Variants in GALNTL6 observed in about 807,000 individuals in gnomAD.
The protein encoded by GALNTL6 is polypeptide N-acetylgalactosaminyltransferase-like 6.
A neutral mutation model predicts 73.7 loss-of-function variants in GALNTL6; 46 were observed. The ratio of observed to expected loss-of-function variants is 0.62; its 90% CI spans 0.49 to 0.80. The LOEUF is 0.80. GALNTL6 is among the 30% of genes least tolerant of loss of function. The pLI is 0.00. For missense variants in GALNTL6, 604 were observed against 755.0 expected, an observed-to-expected ratio of 0.80 and a Z score of 2.34; for synonymous variants, 259 against 263.7, an observed-to-expected ratio of 0.98 and a Z score of 0.17.
chr4:172,673,707 A>G (rs1301681814), intron 5 of GALNTL6, among the ~76,000 whole-genome samples: 2 of 151,784 alleles, frequency 1.3e-5, no homozygotes, highest in East Asian at 3.9e-4. Flanking sequence ...GTTGAATTGA[A>G]CCCTTTATTG....
intron 3 of GALNTL6, among the ~76,000 whole-genome samples, chr4:172,287,844 G>A (rs929795158): frequency 7.2e-5 from 11 of 152,184 alleles, no homozygotes; most frequent in African/African-American, 1.9e-4. Flanking sequence ...GTGGGAATGA[G>A]CGCTGAGCTT....
chr4:172,553,795 G>A (rs1490957999), intron 5 of GALNTL6, among the ~76,000 whole-genome samples: 2 of 152,014 alleles, frequency 1.3e-5, no homozygotes, highest in African/African-American at 4.8e-5. Context: ...AGGGATTCAT[G>A]CCTGTAATCT....
chr4:172,335,043 C>T (rs1269358494), intron 4 of GALNTL6, among the ~76,000 whole-genome samples: 5 of 150,954 alleles, frequency 3.3e-5, no homozygotes, highest in Admixed American at 1.3e-4. Context: ...TGCAGTGGCA[C>T]GATCTCTGCC....
intron 5 of GALNTL6, among the ~76,000 whole-genome samples, chr4:172,407,433 C>A (rs1744276916): frequency 6.6e-6 from 1 of 152,076 alleles, no homozygotes; most frequent in Non-Finnish European, 1.5e-5. Flanking sequence ...TCTGTGGCAA[C>A]AATGCCACAA....
intron 5 of GALNTL6, among the ~76,000 whole-genome samples, chr4:172,803,157 A>G (rs1740752466): frequency 6.6e-6 from 1 of 152,132 alleles, no homozygotes. Flanking sequence ...TGATCCTTGG[A>G]CTGTTCTGAG....
chr4:172,957,900 G>A (rs1248987815), intron 10 of GALNTL6, among the ~76,000 whole-genome samples: 1 of 152,146 alleles, frequency 6.6e-6, no homozygotes, highest in Non-Finnish European at 1.5e-5. Flanking sequence ...AGGCCTGGTG[G>A]AACTGCCATC....
intron 5 of GALNTL6, among the ~76,000 whole-genome samples, chr4:172,458,767 C>T (rs1732502577): frequency 6.6e-6 from 1 of 152,150 alleles, no homozygotes; most frequent in Admixed American, 6.5e-5. Flanking sequence ...AGATTCACAG[C>T]TGAATTCTAC....
At chr4:172,782,779 G>A (rs957323911) in intron 5 of GALNTL6, among the ~76,000 whole-genome samples, 1 of 152,054 alleles carries the variant, frequency 6.6e-6, no homozygotes, top group African/African-American at 2.4e-5. Flanking sequence ...GTACAGCACA[G>A]AAGGAAGAAA....
intron 5 of GALNTL6, among the ~76,000 whole-genome samples, chr4:172,522,858 G>A (rs1734831022): frequency 6.6e-6 from 1 of 151,998 alleles, no homozygotes; most frequent in Admixed American, 6.6e-5. Flanking sequence ...TTTGTTCTGT[G>A]TGCAACTGAG....
intron 2 of GALNTL6, among the ~76,000 whole-genome samples, chr4:172,033,474 T>A (rs543397164): frequency 2.0e-5 from 3 of 152,078 alleles, no homozygotes; most frequent in Non-Finnish European, 2.9e-5. Context: ...GGTTTCAAAT[T>A]AGATGAAATC....
At chr4:172,425,518 A>C (rs2111370526) in intron 5 of GALNTL6, among the ~76,000 whole-genome samples, 1 of 152,194 alleles carries the variant, frequency 6.6e-6, no homozygotes, top group East Asian at 1.9e-4. Context: ...GGGAACAAAG[A>C]AAAAAATTGG....
intron 3 of GALNTL6, among the ~76,000 whole-genome samples, chr4:172,272,283 A>C (rs1197281336): frequency 6.6e-6 from 1 of 152,148 alleles, no homozygotes; most frequent in Non-Finnish European, 1.5e-5. Flanking sequence ...AATGAGGATA[A>C]TATATATTAG....
At position 172,624,479 on chromosome 4, in the gene GALNTL6, A is replaced by G. The variant is rs148560666; in HGVS notation, c.554-184882A>G. Among the ~76,000 whole-genome samples, 10 of 152,128 alleles carry G rather than the reference A, an allele frequency of 6.6e-5. No homozygotes were observed. The East Asian group carries it at 1.7e-3, about 26-fold the overall frequency. ...AGCAACCAGCGTACAGGTAGTCTGA[A>G]GAGACTCATTACTTCTGCAAACCCC... On this transcript the variant is annotated intron_variant, in intron 5 of 12. Coordinates refer to ENST00000506823, the MANE Select transcript of GALNTL6 (RefSeq NM_001034845.3).
At chr4:172,584,236 G>C (rs1737317927) in intron 5 of GALNTL6, among the ~76,000 whole-genome samples, 2 of 152,134 alleles carry the variant, frequency 1.3e-5, no homozygotes. Flanking sequence ...CCCAAAGGAA[G>C]CAGAATGATG....
chr4:172,408,969 A>G (rs1013442513), intron 5 of GALNTL6, among the ~76,000 whole-genome samples: 3 of 152,032 alleles, frequency 2.0e-5, no homozygotes, highest in Non-Finnish European at 4.4e-5. Flanking sequence ...CACTTACTAT[A>G]CACTGTACTC....
chr4:172,971,066 C>G (rs1390063377), intron 10 of GALNTL6, among the ~76,000 whole-genome samples: 2 of 152,122 alleles, frequency 1.3e-5, no homozygotes, highest in East Asian at 3.8e-4. Context: ...TTCAGGGTCC[C>G]TGACTTCCTG....
At chr4:172,911,817 T>C (rs1747220112) in intron 8 of GALNTL6, among the ~76,000 whole-genome samples, 1 of 152,248 alleles carries the variant, frequency 6.6e-6, no homozygotes, top group African/African-American at 2.4e-5. Context: ...AGTTGTTCCT[T>C]CCTTTATGTC....
chr4:172,445,920 C>A (rs946378096), intron 5 of GALNTL6, among the ~76,000 whole-genome samples: 2 of 152,002 alleles, frequency 1.3e-5, no homozygotes, highest in African/African-American at 4.8e-5. Context: ...TTCATTAAAC[C>A]AGCAGACACT....
chr4:172,166,425 GA>G (rs1734627384), intron 2 of GALNTL6, among the ~76,000 whole-genome samples: 1 of 151,488 alleles, frequency 6.6e-6, no homozygotes, highest in Non-Finnish European at 1.5e-5. Context: ...CAGCCTGGGT[GA>G]CAGAGCAAGA....
Sources: gnomAD v4.1 joint callset for allele counts (sites outside exome capture counted in the v4.1 genomes callset) on GRCh38, gnomAD v4.1.1 for gene constraint, MANE v1.5 for transcripts, NCBI Gene and HGNC (gene_info 2026-07-23, HGNC 2026-07-21) for gene names.